NRXN1: variants seen among roughly 807,000 people sequenced by gnomAD.
NRXN1 encodes the protein neurexin 1, also known as neurexin-1.
Under a neutral mutation model 150.9 loss-of-function variants are expected in NRXN1, and 39 were observed. The ratio of observed to expected loss-of-function variants is 0.26; its 90% CI spans 0.20 to 0.34. The LOEUF is 0.34. Ranked by LOEUF, NRXN1 falls within the 10% of genes least tolerant of loss-of-function variation. The pLI, the probability that NRXN1 is intolerant of heterozygous loss-of-function variation, is 1.00. For synonymous variants in NRXN1, 924 were observed against 757.0 expected (o/e 1.22, Z -3.62); for missense variants, 1,815 against 1,949.9 (o/e 0.93, Z 1.30).
chr2:50,586,380 T>G (rs1211746023), intron 8 of NRXN1, among the ~76,000 whole-genome samples: 1 of 152,130 alleles, frequency 6.6e-6, no homozygotes, highest in African/African-American at 2.4e-5. Flanking sequence ...CACAGATAAA[T>G]TATATATTTT....
At chr2:50,448,735 T>C (rs2086694147) in intron 17 of NRXN1, among the ~76,000 whole-genome samples, 1 of 152,184 alleles carries the variant, frequency 6.6e-6, no homozygotes, top group Non-Finnish European at 1.5e-5. Context: ...CCGGAGTGGA[T>C]TATTACCGTT....
intron 1 of NRXN1, 114 bp from the exon 2 acceptor site, chr2:51,029,308 A>G (rs1330290085): frequency 6.6e-6 from 1 of 152,262 alleles, no homozygotes; most frequent in Non-Finnish European, 1.5e-5. Flanking sequence ...GCAAAGAGTT[A>G]ACCTTCTTGT....
At chr2:50,127,970 T>C (rs149387838) in intron 18 of NRXN1, among the ~76,000 whole-genome samples, 1 of 152,336 alleles carries the variant, frequency 6.6e-6, no homozygotes, top group Non-Finnish European at 1.5e-5. Context: ...TCCTTGATTT[T>C]ACTCCCCAGT....
At chr2:50,539,649 G>T (rs1480714118) in intron 9 of NRXN1, among the ~76,000 whole-genome samples, 1 of 152,162 alleles carries the variant, frequency 6.6e-6, no homozygotes, top group Non-Finnish European at 1.5e-5. Context: ...CATGATACCT[G>T]AACAGAACAC....
At chr2:49,960,984 A>G (rs1045759066) in intron 21 of NRXN1, among the ~76,000 whole-genome samples, 2 of 152,172 alleles carry the variant, frequency 1.3e-5, no homozygotes, top group Non-Finnish European at 2.9e-5. Flanking sequence ...TCAAATTACA[A>G]GGCTTTTTTT....
At chr2:50,506,795 C>T in intron 12 of NRXN1, 178 bp from the exon 13 acceptor site, 2 of 621,568 alleles carry the variant, frequency 3.2e-6, no homozygotes, top group Non-Finnish European at 5.4e-6. Flanking sequence ...GCGGGCTGGA[C>T]CAATTTTCAA....
At position 50,454,980 on chromosome 2, in the gene NRXN1, G is replaced by A. The variant is rs565849498; in HGVS notation, c.3364+10462C>T. Among the ~76,000 whole-genome samples, 7 of 152,180 alleles carry A rather than the reference G, an allele frequency of 4.6e-5. No homozygotes were observed. The South Asian group carries it at 1.0e-3, about 23-fold the overall frequency. On this transcript the variant is annotated intron_variant, in intron 17 of 22. Transcript: ENST00000401669. ...AATTTTCTTAGGCAGAGCGGAAGGA[G>A]GGAAGGAAGAGGACAGCCCAAATGA...
intron 8 of NRXN1, among the ~76,000 whole-genome samples, chr2:50,581,475 A>C (rs1672254535): frequency 6.6e-6 from 1 of 152,242 alleles, no homozygotes; most frequent in Non-Finnish European, 1.5e-5. Context: ...GGTAATATAA[A>C]GGATAAATCA....
intron 22 of NRXN1, among the ~76,000 whole-genome samples, chr2:49,927,994 T>C (rs1488624949): frequency 6.6e-6 from 1 of 152,096 alleles, no homozygotes; most frequent in Non-Finnish European, 1.5e-5. Flanking sequence ...ACTATGAACC[T>C]GGCACACCAA....
At chr2:50,466,537 G>A (rs1392625293) in intron 16 of NRXN1, 1 of 457,590 alleles carries the variant, frequency 2.2e-6, no homozygotes. Flanking sequence ...ATGTTAGTAA[G>A]CAATACTGAA....
At chr2:50,484,156 T>A (rs2104809012) in intron 15 of NRXN1, among the ~76,000 whole-genome samples, 1 of 152,284 alleles carries the variant, frequency 6.6e-6, no homozygotes, top group African/African-American at 2.4e-5. Flanking sequence ...CAAAGTAGTA[T>A]AAAGCACACA....
At chr2:50,882,397 C>T (rs1679579604) in intron 5 of NRXN1, among the ~76,000 whole-genome samples, 1 of 151,810 alleles carries the variant, frequency 6.6e-6, no homozygotes, top group South Asian at 2.1e-4. Context: ...CATTATCTCT[C>T]GTTTAAAATA....
intron 22 of NRXN1, among the ~76,000 whole-genome samples, chr2:49,939,735 C>G (rs897825926): frequency 1.3e-5 from 2 of 152,112 alleles, no homozygotes; most frequent in Non-Finnish European, 2.9e-5. Context: ...GGGGAAAAAG[C>G]CACCATTTAT....
At chr2:50,551,094 A>AG (rs1667443381) in intron 9 of NRXN1, among the ~76,000 whole-genome samples, 1 of 113,232 alleles carries the variant, frequency 8.8e-6, no homozygotes, top group Non-Finnish European at 1.7e-5. Flanking sequence ...GAGGAGGAGG[A>AG]GGAGGAGGAG....
chr2:50,796,998 TGGCAG>T (rs1706931462), intron 5 of NRXN1, among the ~76,000 whole-genome samples: 1 of 152,146 alleles, frequency 6.6e-6, no homozygotes, highest in Non-Finnish European at 1.5e-5. Flanking sequence ...TGTCCTCACA[TGGCAG>T]AAGGGCAAGA....
chr2:50,909,787 T>C (rs1684270813), intron 5 of NRXN1, among the ~76,000 whole-genome samples: 1 of 151,970 alleles, frequency 6.6e-6, no homozygotes, highest in Admixed American at 6.6e-5. Flanking sequence ...GAAAGGCAAT[T>C]AGGCAAAACA....
At chr2:50,022,005 C>T (rs372629166) in intron 21 of NRXN1, among the ~76,000 whole-genome samples, 1 of 152,148 alleles carries the variant, frequency 6.6e-6, no homozygotes, top group Non-Finnish European at 1.5e-5. Flanking sequence ...TGTGTGCCAC[C>T]ATGCCTGGCT....
At chr2:50,620,000 T>G in intron 8 of NRXN1, 22 bp downstream of exon 8, 2 of 1,548,622 alleles carry the variant, frequency 1.3e-6, no homozygotes, top group South Asian at 2.5e-5. Flanking sequence ...TTAGGAATGA[T>G]TCTGATGGCA....
chr2:50,043,949 T>TAG (rs1180796548), intron 21 of NRXN1, among the ~76,000 whole-genome samples: 1 of 151,468 alleles, frequency 6.6e-6, no homozygotes, highest in African/African-American at 2.4e-5. Context: ...GAATAAGGCC[T>TAG]AGCATATGGA....
Sources: allele counts gnomAD v4.1 joint callset (sites outside exome capture counted in the v4.1 genomes callset), GRCh38; gene constraint gnomAD v4.1.1; transcripts MANE v1.5; gene names NCBI Gene and HGNC (gene_info 2026-07-23, HGNC 2026-07-21).